The following NEDD4L variants were observed in gnomAD, a reference collection of about 807,000 sequenced individuals.
The protein encoded by NEDD4L is E3 ubiquitin-protein ligase NEDD4-like.
NEDD4L carries 54 observed loss-of-function variants against 148.9 expected under a neutral mutation model. That is an observed-to-expected ratio of 0.36 (90% CI 0.29 to 0.45). The LOEUF (loss-of-function observed/expected upper bound fraction) is 0.45. Among genes scored for constraint, NEDD4L ranks in the 20% least tolerant of loss-of-function variants. NEDD4L has a pLI of 1.00. For synonymous variants in NEDD4L, 433 were observed against 440.7 expected (o/e 0.98, Z 0.22); for missense variants, 856 against 1,233.8 (o/e 0.69, Z 4.59).
intron 1 of NEDD4L, among the ~76,000 whole-genome samples, chr18:58,122,797 A>C (rs1306724032): frequency 6.6e-6 from 1 of 151,502 alleles, no homozygotes; most frequent in South Asian, 2.1e-4. Flanking sequence ...GTGCAATGGC[A>C]TGATCTCGGC....
chr18:58,349,429 T>C (rs950238904), intron 16 of NEDD4L, 108 bp from the exon 17 acceptor site: 10 of 815,584 alleles, frequency 1.2e-5, no homozygotes, highest in African/African-American at 1.2e-4. Flanking sequence ...GCTCCAGGCA[T>C]GGACAGCCTG....
At chr18:58,268,974 C>T (rs560127256) in intron 5 of NEDD4L, among the ~76,000 whole-genome samples, 37 of 152,142 alleles carry the variant, frequency 2.4e-4, no homozygotes, top group African/African-American at 8.7e-4. Context: ...GAGCCTCCTC[C>T]CTTCCCAAGC....
chr18:58,220,343 C>T (rs1375299735), intron 2 of NEDD4L, among the ~76,000 whole-genome samples: 3 of 151,942 alleles, frequency 2.0e-5, no homozygotes, highest in African/African-American at 7.3e-5. Flanking sequence ...GAGGCAGAGA[C>T]TGTAGTGAGA....
chr18:58,304,793 AAG>A (rs1471636930), intron 5 of NEDD4L, among the ~76,000 whole-genome samples: 1 of 152,222 alleles, frequency 6.6e-6, no homozygotes, highest in African/African-American at 2.4e-5. Flanking sequence ...AACCACTTGA[AAG>A]AGGGGATGGA....
chr18:58,284,298 C>T (rs563657851), intron 5 of NEDD4L, among the ~76,000 whole-genome samples: 37 of 152,252 alleles, frequency 2.4e-4, no homozygotes, highest in African/African-American at 8.4e-4. Context: ...AAATCCTGGC[C>T]AACATGATGT....
At chr18:58,127,287 G>A (rs945204068) in intron 1 of NEDD4L, among the ~76,000 whole-genome samples, 36 of 152,236 alleles carry the variant, frequency 2.4e-4, no homozygotes, top group African/African-American at 8.0e-4. Flanking sequence ...CCCACAGGAC[G>A]CTGCAGATGT....
intron 27 of NEDD4L, chr18:58,388,164 C>T (rs1021140978): frequency 1.7e-4 from 26 of 152,324 alleles, no homozygotes; most frequent in African/African-American, 6.3e-4. Flanking sequence ...AATATCTCGC[C>T]CTTTGTTGTG....
At chr18:58,047,279 A>G (rs2081628249) in intron 1 of NEDD4L, 34 of 984,404 alleles carry the variant, frequency 3.5e-5, no homozygotes, top group Non-Finnish European at 4.1e-5. Context: ...CAAAGTAGAC[A>G]CACATACCTA....
At chr18:58,301,619 G>A (rs2056469665) in intron 5 of NEDD4L, among the ~76,000 whole-genome samples, 1 of 152,182 alleles carries the variant, frequency 6.6e-6, no homozygotes, top group Admixed American at 6.5e-5. Flanking sequence ...AGAGGCTAGG[G>A]AGCTTACTCA....
chr18:58,304,488 TG>T (rs2056848446), intron 5 of NEDD4L, among the ~76,000 whole-genome samples: 1 of 152,196 alleles, frequency 6.6e-6, no homozygotes, highest in South Asian at 2.1e-4. Flanking sequence ...CACTTCAGCC[TG>T]GGCAACATAA....
At chr18:58,349,409 CCCATCTCACGCT>C in intron 16 of NEDD4L, 116 bp from the exon 17 acceptor site, 1 of 689,672 alleles carries the variant, frequency 1.4e-6, no homozygotes. Context: ...AGAGATGGGA[CCCATCTCACGCT>C]CCAGGCATGG....
intron 24 of NEDD4L, 24 bp from the exon 25 acceptor site, chr18:58,383,222 G>A (rs1568924091): frequency 8.0e-7 from 1 of 1,248,036 alleles, no homozygotes; most frequent in Admixed American, 2.0e-5. Flanking sequence ...GATAGTAATT[G>A]TTGTTTTGTC....
intron 1 of NEDD4L, among the ~76,000 whole-genome samples, chr18:58,145,169 G>A (rs989944622): frequency 1.3e-5 from 2 of 152,146 alleles, no homozygotes; most frequent in African/African-American, 2.4e-5. Flanking sequence ...TCCTACCAGG[G>A]CCCCCTCTCA....
chr18:58,297,543 G>T (rs2055824307), intron 5 of NEDD4L, among the ~76,000 whole-genome samples: 1 of 152,186 alleles, frequency 6.6e-6, no homozygotes, highest in Admixed American at 6.5e-5. Flanking sequence ...GAGCCAGATA[G>T]TGGTACCCAG....
intron 24 of NEDD4L, among the ~76,000 whole-genome samples, chr18:58,378,464 A>C (rs1601886523): frequency 6.6e-6 from 1 of 152,228 alleles, no homozygotes; most frequent in South Asian, 2.1e-4. Context: ...AAGAGCCCGG[A>C]GCTGGAGGTG....
intron 1 of NEDD4L, among the ~76,000 whole-genome samples, chr18:58,053,605 G>T (rs374665382): frequency 6.6e-6 from 1 of 152,122 alleles, no homozygotes; most frequent in African/African-American, 2.4e-5. Context: ...CACCGTGCCC[G>T]GCCAACAATT....
At chr18:58,161,477 A>C (rs1338830755) in intron 1 of NEDD4L, among the ~76,000 whole-genome samples, 1 of 150,832 alleles carries the variant, frequency 6.6e-6, no homozygotes, top group Middle Eastern at 3.2e-3. Flanking sequence ...TTCTAAACCA[A>C]AATATTTAAT....
chr18:58,120,271 T>C (rs9957202), intron 1 of NEDD4L, among the ~76,000 whole-genome samples: 64,018 of 152,034 alleles, frequency 0.42, 13,769 homozygotes, highest in East Asian at 0.54. Context: ...CAAGGCCTTC[T>C]GATGTCAGCC....
At chr18:58,214,369 A>G (rs1422022487) in intron 2 of NEDD4L, among the ~76,000 whole-genome samples, 1 of 152,076 alleles carries the variant, frequency 6.6e-6, no homozygotes, top group Non-Finnish European at 1.5e-5. Context: ...TATGACTGTG[A>G]TATTTAGTCT....
Sources: gnomAD v4.1 joint callset for allele counts (sites outside exome capture counted in the v4.1 genomes callset) on GRCh38, gnomAD v4.1.1 for gene constraint, MANE v1.5 for transcripts, NCBI Gene and HGNC (gene_info 2026-07-23, HGNC 2026-07-21) for gene names.